Variants in ADGRL3 observed in about 807,000 individuals in gnomAD.
The protein encoded by ADGRL3 is adhesion G protein-coupled receptor L3.
ADGRL3 carries 62 observed loss-of-function variants against 153.5 expected under a neutral mutation model. The ratio of observed to expected loss-of-function variants is 0.40; its 90% CI spans 0.33 to 0.50. The LOEUF is 0.50. Ranked by LOEUF, ADGRL3 falls within the 20% of genes least tolerant of loss-of-function variation. ADGRL3 has a pLI of 0.47. For missense variants in ADGRL3, 1,641 were observed against 1,859.4 expected, an observed-to-expected ratio of 0.88 and a Z score of 2.16; for synonymous variants, 710 against 672.5, an observed-to-expected ratio of 1.06 and a Z score of -0.86.
intron 2 of ADGRL3, among the ~76,000 whole-genome samples, chr4:61,425,053 C>T (rs1401082197): frequency 2.0e-5 from 3 of 152,138 alleles, no homozygotes; most frequent in African/African-American, 7.2e-5. Context: ...GGCACAAAGT[C>T]CATTGGAGCT....
At chr4:61,730,589 T>C in intron 6 of ADGRL3, 33 bp from the exon 7 acceptor site, 1 of 488,518 alleles carries the variant, frequency 2.0e-6, no homozygotes, top group East Asian at 3.4e-5. Flanking sequence ...TTCTCTTTTC[T>C]CCTTTCTCTC....
intron 9 of ADGRL3, among the ~76,000 whole-genome samples, chr4:61,837,880 G>A (rs2097960137): frequency 6.6e-6 from 1 of 152,034 alleles, no homozygotes; most frequent in Non-Finnish European, 1.5e-5. Flanking sequence ...GATAGGGTGG[G>A]GAGCTGGCAT....
At chr4:61,256,718 A>T (rs2092006606) in intron 1 of ADGRL3, among the ~76,000 whole-genome samples, 1 of 152,148 alleles carries the variant, frequency 6.6e-6, no homozygotes, top group South Asian at 2.1e-4. Context: ...ATAATCTGGA[A>T]ATAAACTGAG....
intron 21 of ADGRL3, among the ~76,000 whole-genome samples, chr4:62,003,864 C>T (rs2099148742): frequency 6.6e-6 from 1 of 152,054 alleles, no homozygotes; most frequent in Non-Finnish European, 1.5e-5. Context: ...ATAGCTAGTT[C>T]TGTTCTTAGT....
intron 8 of ADGRL3, among the ~76,000 whole-genome samples, chr4:61,772,827 G>C (rs2097102231): frequency 1.3e-5 from 2 of 152,118 alleles, no homozygotes; most frequent in Non-Finnish European, 2.9e-5. Flanking sequence ...AATATTCAAT[G>C]TGTCAGAGCT....
intron 2 of ADGRL3, among the ~76,000 whole-genome samples, chr4:61,479,890 T>C (rs2098113834): frequency 6.6e-6 from 1 of 152,174 alleles, no homozygotes; most frequent in Non-Finnish European, 1.5e-5. Context: ...TAAATTATAA[T>C]TAACAATTAG....
intron 23 of ADGRL3, 78 bp from the exon 24 acceptor site, chr4:62,037,653 A>C: frequency 1.4e-6 from 2 of 1,455,770 alleles, no homozygotes; most frequent in Non-Finnish European, 1.9e-6. Context: ...CTAAAAATAA[A>C]ACTCACATAC....
At chr4:61,364,776 A>C (rs2096364313) in intron 1 of ADGRL3, among the ~76,000 whole-genome samples, 1 of 152,208 alleles carries the variant, frequency 6.6e-6, no homozygotes, top group African/African-American at 2.4e-5. Flanking sequence ...GACAATAATC[A>C]TCACCAAAAT....
chr4:61,319,211 C>T (rs979398435), intron 1 of ADGRL3, among the ~76,000 whole-genome samples: 2 of 152,042 alleles, frequency 1.3e-5, no homozygotes, highest in African/African-American at 4.8e-5. Flanking sequence ...TTTCCAGAAA[C>T]CAGAAAAACA....
intron 4 of ADGRL3, among the ~76,000 whole-genome samples, chr4:61,566,244 C>T (rs79230331): frequency 0.013 from 2,040 of 152,266 alleles, 25 homozygotes; most frequent in Middle Eastern, 0.037. Context: ...GTCTCCCCTT[C>T]GCTTGTAGTT....
At chr4:61,291,859 T>C (rs2094230412) in intron 1 of ADGRL3, among the ~76,000 whole-genome samples, 1 of 146,352 alleles carries the variant, frequency 6.8e-6, no homozygotes, top group Non-Finnish European at 1.5e-5. Flanking sequence ...GAATATTTTG[T>C]TTCTGTTACA....
intron 9 of ADGRL3, among the ~76,000 whole-genome samples, chr4:61,890,843 A>T (rs1023445553): frequency 6.6e-6 from 1 of 152,176 alleles, no homozygotes; most frequent in African/African-American, 2.4e-5. Flanking sequence ...CACCATTGAC[A>T]CACTTTTTTT....
At position 61,892,660 on chromosome 4, in the gene ADGRL3, C is replaced by T. The variant is rs769881381; in HGVS notation, c.1485C>T (p.Ile495=). The part of the protein sequence containing the change: ...SELERPSVKD[I]STTGPLGMGS... Reference sequence around the variant, plus strand: ...TTCTTTCTAATTTTATTTCAGATATCTCTACCACAGGACCTCTTGGCATGG... The same window carrying T: ...TTCTTTCTAATTTTATTTCAGATATTTCTACCACAGGACCTCTTGGCATGG... The change falls in exon 10 of 27, where the codon ATC becomes ATT. Residue 495 remains isoleucine, a synonymous_variant. Coordinates refer to ENST00000683033, the MANE Select transcript of ADGRL3 (RefSeq NM_001387552.1). 4.2e-5 allele frequency: 68 copies of T among 1,613,224 alleles called. No individual in the cohort carries two copies. The highest frequency in any genetic ancestry group is 1.6e-4 in the Middle Eastern group (1 of 6,084).
intron 6 of ADGRL3, 183 bp downstream of exon 6, chr4:61,677,118 T>C: frequency 1.9e-6 from 1 of 528,554 alleles, no homozygotes; most frequent in Non-Finnish European, 3.4e-6. Flanking sequence ...TTGCCTACCC[T>C]CTCCTACGGC....
intron 8 of ADGRL3, among the ~76,000 whole-genome samples, chr4:61,763,096 T>C (rs923758123): frequency 6.6e-6 from 1 of 152,100 alleles, no homozygotes; most frequent in Non-Finnish European, 1.5e-5. Context: ...CAAAAACACA[T>C]CCTACTTTTC....
In ADGRL3 at chr4:61,869,936, T is replaced by TAAAAAAAAAAAAAAAAAAAAA. The variant is rs1190618911; in HGVS notation, c.1481-22715_1481-22695dup. On this transcript the variant is annotated intron_variant, in intron 9 of 26. Coordinates refer to ENST00000683033, the MANE Select transcript of ADGRL3 (RefSeq NM_001387552.1). ...CTGGGCAACAAGAGCAAAACTTTGT[T>TAAAAAAAAAAAAAAAAAAAAA]AAAAAAAAAAAAAAAAAAAAAAAAA... 2.8e-3 allele frequency among the ~76,000 whole-genome samples: 29 copies of TAAAAAAAAAAAAAAAAAAAAA among 10,504 alleles called. 6 individuals carry two copies. Among genetic ancestry groups the TAAAAAAAAAAAAAAAAAAAAA allele is most frequent in the Non-Finnish European group, 4.3e-3 (17 of 3,910 alleles). 6.9% of individuals were successfully genotyped at this position (10,504 alleles called of 152,430 possible). A position where few individuals can be genotyped will look rare whatever the true frequency, so the allele number is the denominator to read the frequency against.
intron 9 of ADGRL3, among the ~76,000 whole-genome samples, chr4:61,863,483 C>T (rs191994353): frequency 4.6e-5 from 7 of 151,938 alleles, no homozygotes; most frequent in Admixed American, 3.3e-4. Flanking sequence ...GTGATCCGCC[C>T]GCCTCGGCCT....
At chr4:61,394,251 T>C (rs2096844802) in intron 2 of ADGRL3, among the ~76,000 whole-genome samples, 1 of 152,058 alleles carries the variant, frequency 6.6e-6, no homozygotes, top group African/African-American at 2.4e-5. Context: ...TCTTTTTATA[T>C]TATTATGTGT....
intron 8 of ADGRL3, among the ~76,000 whole-genome samples, chr4:61,769,717 G>A (rs1200856341): frequency 2.0e-5 from 3 of 151,470 alleles, no homozygotes; most frequent in Non-Finnish European, 4.4e-5. Flanking sequence ...GTCCAAGGGG[G>A]TTTGTTCTCT....
Sources: allele counts gnomAD v4.1 joint callset (sites outside exome capture counted in the v4.1 genomes callset), GRCh38; gene constraint gnomAD v4.1.1; transcripts MANE v1.5; gene names NCBI Gene and HGNC (gene_info 2026-07-23, HGNC 2026-07-21).